Variants in TAOK1 observed in about 807,000 individuals in gnomAD.
The protein encoded by TAOK1 is TAO kinase 1.
Under a neutral mutation model 138.3 loss-of-function variants are expected in TAOK1, and 21 were observed. The ratio of observed to expected loss-of-function variants is 0.15; its 90% CI spans 0.11 to 0.22. TAOK1 has a LOEUF of 0.22. Ranked by LOEUF, TAOK1 falls within the 10% of genes least tolerant of loss-of-function variation. The pLI, the probability that TAOK1 is intolerant of heterozygous loss-of-function variation, is 1.00. For synonymous variants in TAOK1, 361 were observed against 398.4 expected, an observed-to-expected ratio of 0.91 and a Z score of 1.12; for missense variants, 651 against 1,227.7, an observed-to-expected ratio of 0.53 and a Z score of 7.02.
intron 2 of TAOK1, among the ~76,000 whole-genome samples, chr17:29,459,126 T>C (rs2030470683): frequency 6.6e-6 from 1 of 152,152 alleles, no homozygotes; most frequent in South Asian, 2.1e-4. Flanking sequence ...TTTTCTGAGA[T>C]TGTGCTTTTG....
Position 29,534,095 on chromosome 17 carries a change from TTCTC to T in TAOK1, c.2362-11_2362-8del, listed in dbSNP as rs150300324. On this transcript the variant is annotated intron_variant, in intron 18 of 19. Transcript: ENST00000261716. ...TAACATTAGGATATATCTTTTTTTT[TTCTC>T]TCTCTCTCTCTGTCTCAGCTGCGTT... The T allele has an allele frequency of 1.1e-4, 158 of 1,425,218 alleles. No individual in the cohort carries two copies. Among genetic ancestry groups the T allele is most frequent in the Admixed American group, 4.8e-4 (22 of 46,288 alleles). 88.3% of individuals were successfully genotyped at this position (1,425,218 alleles called of 1,614,324 possible). A position where few individuals can be genotyped will look rare whatever the true frequency, so the allele number is the denominator to read the frequency against.
Position 29,547,438 on chromosome 17 carries a change from A to T in TAOK1, c.*4416A>T, listed in dbSNP as rs2032419572. The T allele has an allele frequency of 6.6e-6, 1 of 152,100 alleles. No individual in the cohort carries two copies. The highest frequency in any genetic ancestry group is 2.1e-4 in the South Asian group (1 of 4,836). 9.4% of individuals were successfully genotyped at this position (152,100 alleles called of 1,614,324 possible). A position where few individuals can be genotyped will look rare whatever the true frequency, so the allele number is the denominator to read the frequency against. ...GTGCACCTTCCACCACTTCTGAGCCACTACTATTCAAGTAGAGATTTGCCC... is the reference window on the plus strand; with the variant it reads ...GTGCACCTTCCACCACTTCTGAGCCTCTACTATTCAAGTAGAGATTTGCCC... On this transcript the variant is annotated 3_prime_UTR_variant, in exon 20 of 20. Transcript: ENST00000261716.
chr17:29,462,020 A>G (rs537546308), intron 2 of TAOK1, among the ~76,000 whole-genome samples: 2 of 152,286 alleles, frequency 1.3e-5, no homozygotes, highest in East Asian at 3.9e-4. Flanking sequence ...ACCCATGCAC[A>G]CACTGTTCTG....
intron 1 of TAOK1, among the ~76,000 whole-genome samples, chr17:29,424,233 G>A (rs1905559880): frequency 6.6e-6 from 1 of 151,592 alleles, no homozygotes; most frequent in Non-Finnish European, 1.5e-5. Flanking sequence ...GCAGGAGATC[G>A]AGACCATCCT....
intron 17 of TAOK1, among the ~76,000 whole-genome samples, chr17:29,527,532 G>C (rs2032032416): frequency 1.3e-5 from 2 of 152,222 alleles, no homozygotes; most frequent in South Asian, 4.1e-4. Context: ...GACATTTCTT[G>C]ACCCCTCACA....
At chr17:29,479,827 A>G (rs529714377) in intron 6 of TAOK1, among the ~76,000 whole-genome samples, 2 of 152,220 alleles carry the variant, frequency 1.3e-5, no homozygotes, top group East Asian at 3.8e-4. Flanking sequence ...ATTTGGGATC[A>G]TTGATACTAC....
chr17:29,452,346 T>C (rs1323702075), intron 2 of TAOK1, among the ~76,000 whole-genome samples: 1 of 152,240 alleles, frequency 6.6e-6, no homozygotes, highest in Non-Finnish European at 1.5e-5. Context: ...ATGGCTTGCA[T>C]TGCTATAGAG....
At chr17:29,438,598 C>G (rs886775606) in intron 1 of TAOK1, among the ~76,000 whole-genome samples, 9 of 152,264 alleles carry the variant, frequency 5.9e-5, no homozygotes, top group African/African-American at 2.2e-4. Flanking sequence ...GGGAAGATCC[C>G]TTGGGCCCAG....
intron 7 of TAOK1, among the ~76,000 whole-genome samples, chr17:29,480,957 A>G (rs1272260244): frequency 6.6e-6 from 1 of 152,032 alleles, no homozygotes; most frequent in African/African-American, 2.4e-5. Flanking sequence ...TTCATTTACA[A>G]ATAAGATGCC....
intron 8 of TAOK1, among the ~76,000 whole-genome samples, chr17:29,486,783 G>A (rs1320028585): frequency 6.6e-6 from 1 of 152,176 alleles, no homozygotes; most frequent in Non-Finnish European, 1.5e-5. Flanking sequence ...AAAAAGATAT[G>A]TTCTAGTTTG....
At chr17:29,511,523 A>G (rs2031720055) in intron 15 of TAOK1, 3 of 152,468 alleles carry the variant, frequency 2.0e-5, no homozygotes, top group East Asian at 1.9e-4. Flanking sequence ...GGCATGAGCC[A>G]TCGTGCCTGG....
At chr17:29,453,633 G>GCAGAGTCATCA (rs2030300657) in intron 2 of TAOK1, among the ~76,000 whole-genome samples, 1 of 147,652 alleles carries the variant, frequency 6.8e-6, no homozygotes, top group Non-Finnish European at 1.5e-5. Flanking sequence ...CTGGAGTGCA[G>GCAGAGTCATCA]TGGTGCGTTC....
intron 1 of TAOK1, among the ~76,000 whole-genome samples, chr17:29,414,497 G>A (rs1217965256): frequency 1.3e-5 from 2 of 148,522 alleles, no homozygotes; most frequent in East Asian, 2.0e-4. Context: ...TGATCCACCC[G>A]CCTTGGCCTC....
intron 1 of TAOK1, among the ~76,000 whole-genome samples, chr17:29,406,238 C>T (rs1426235896): frequency 6.6e-6 from 1 of 151,800 alleles, no homozygotes; most frequent in Non-Finnish European, 1.5e-5. Context: ...CAGGTATTAC[C>T]AAATGTCCCC....
At chr17:29,424,324 C>T (rs2153022051) in intron 1 of TAOK1, among the ~76,000 whole-genome samples, 1 of 150,102 alleles carries the variant, frequency 6.7e-6, no homozygotes, top group East Asian at 2.0e-4. Context: ...GTAGTCCCAG[C>T]TACTTGGGAG....
chr17:29,399,594 C>T (rs1226217630), intron 1 of TAOK1, among the ~76,000 whole-genome samples: 5 of 152,190 alleles, frequency 3.3e-5, no homozygotes, highest in African/African-American at 9.6e-5. Flanking sequence ...GGATTACAGG[C>T]GTGAGCCACT....
chr17:29,465,093 T>C (rs534036531), intron 2 of TAOK1, among the ~76,000 whole-genome samples: 56 of 150,722 alleles, frequency 3.7e-4, no homozygotes, highest in African/African-American at 1.3e-3. Context: ...AGTGCTGGGA[T>C]TATAGGCATA....
chr17:29,528,447 A>C (rs2032047741), intron 17 of TAOK1, among the ~76,000 whole-genome samples: 1 of 152,194 alleles, frequency 6.6e-6, no homozygotes, highest in Non-Finnish European at 1.5e-5. Flanking sequence ...TAAGGAAAAG[A>C]CCATTGTAAT....
chr17:29,453,762 T>C (rs1175215307), intron 2 of TAOK1, among the ~76,000 whole-genome samples: 4 of 151,416 alleles, frequency 2.6e-5, no homozygotes. Flanking sequence ...TTAGTTTTTA[T>C]ATATGGTGTG....
Sources: gnomAD v4.1 joint callset for allele counts (sites outside exome capture counted in the v4.1 genomes callset) on GRCh38, gnomAD v4.1.1 for gene constraint, MANE v1.5 for transcripts, NCBI Gene and HGNC (gene_info 2026-07-23, HGNC 2026-07-21) for gene names.